The following UBAP2 variants were observed in gnomAD, a reference collection of about 807,000 sequenced individuals.
UBAP2 encodes ubiquitin associated protein 2, also known as ubiquitin-associated protein 2.
A neutral mutation model predicts 139.6 loss-of-function variants in UBAP2; 75 were observed. That is an observed-to-expected ratio of 0.54 (90% CI 0.45 to 0.65). The LOEUF (loss-of-function observed/expected upper bound fraction) is 0.65. Among genes scored for constraint, UBAP2 ranks in the 30% least tolerant of loss-of-function variants. The pLI is 0.00. For missense variants in UBAP2, 1,368 were observed against 1,369.6 expected (o/e 1.00, Z 0.02); for synonymous variants, 526 against 526.2 (o/e 1.00, Z 0.01).
At chr9:33,963,481 C>T (rs976384911) in intron 9 of UBAP2, among the ~76,000 whole-genome samples, 2 of 152,116 alleles carry the variant, frequency 1.3e-5, no homozygotes, top group African/African-American at 4.8e-5. Context: ...AGTCCTCTAA[C>T]GAATGTATGT....
intron 16 of UBAP2, chr9:33,938,892 A>T (rs757881460): frequency 2.2e-6 from 1 of 454,948 alleles, no homozygotes; most frequent in South Asian, 1.6e-5. Context: ...ACTCTAACTT[A>T]TTTCTGTCAA....
intron 4 of UBAP2, among the ~76,000 whole-genome samples, chr9:33,989,949 C>T (rs1821556980): frequency 6.6e-6 from 1 of 151,922 alleles, no homozygotes; most frequent in African/African-American, 2.4e-5. Context: ...ATTTATAAAG[C>T]ACCTAAATTT....
chr9:34,043,228 G>A (rs1827253362), intron 1 of UBAP2, among the ~76,000 whole-genome samples: 1 of 152,062 alleles, frequency 6.6e-6, no homozygotes, highest in African/African-American at 2.4e-5. Context: ...CTGAAGTGCA[G>A]TGGCACAATC....
At chr9:33,926,685 G>A (rs771516677) in intron 21 of UBAP2, 21 bp from the exon 22 acceptor site, 12 of 1,614,008 alleles carry the variant, frequency 7.4e-6, no homozygotes, top group East Asian at 4.5e-5. Flanking sequence ...ACCAGAAAGT[G>A]TATTTTAGGA....
Position 33,998,843 on chromosome 9 carries a change from G to A in UBAP2, c.121C>T (p.Leu41Phe). The change falls in exon 3 of 29, where the codon CTC becomes TTC. Residue 41 changes from leucine (L) to phenylalanine (F), a missense_variant. By Grantham distance (22) the Leu-to-Phe change is conservative. Coordinates refer to ENST00000379238, the MANE Select transcript of UBAP2 (RefSeq NM_001370062.2). ...TTCTTATCAAAGATCACTTGAGCGA[G>A]ACGCATCTGTTCAGCTGTTGCCTGG... ...VVQATAEQMR[L>F]AQVIFDKNDS... 4 of 1,611,520 alleles carry A rather than the reference G, an allele frequency of 2.5e-6. No individual in the cohort carries two copies. The highest frequency in any genetic ancestry group is 3.4e-6 in the Non-Finnish European group (4 of 1,179,666).
At chr9:33,943,719 A>C in intron 14 of UBAP2, 130 bp from the exon 15 acceptor site, 1 of 795,286 alleles carries the variant, frequency 1.3e-6, no homozygotes, top group Non-Finnish European at 2.0e-6. Flanking sequence ...AGAAACAAGG[A>C]GAAAATAGGC....
chr9:33,925,276 G>A (rs539785659), intron 22 of UBAP2, among the ~76,000 whole-genome samples: 11 of 152,268 alleles, frequency 7.2e-5, no homozygotes, highest in South Asian at 2.1e-4. Flanking sequence ...TAGAACCCCC[G>A]GAAGAGGCAG....
At chr9:33,932,541 G>T (rs1250827137) in intron 19 of UBAP2, 21 bp downstream of exon 19, 1 of 1,613,304 alleles carries the variant, frequency 6.2e-7, no homozygotes, top group South Asian at 1.1e-5. Flanking sequence ...CGGAGGAAGA[G>T]GAAGCCGCGC....
chr9:33,996,217 A>AGG lies in UBAP2; in HGVS notation c.288+5_288+6insCC. 1 of 1,596,298 alleles carries AGG rather than the reference A, an allele frequency of 6.3e-7. No homozygotes were observed. Among genetic ancestry groups the AGG allele is most frequent in the Non-Finnish European group, 8.6e-7 (1 of 1,164,982 alleles). ...TAAACAATGCAAATCAATTAATAAT[A>AGG]CTTACTGTGTCTGAATTCCCTTCCA... On this transcript the variant is annotated splice_donor_region_variant and intron_variant, in intron 4 of 28. Transcript: ENST00000379238.
At chr9:33,931,862 T>C (rs149316845) in intron 19 of UBAP2, among the ~76,000 whole-genome samples, 2 of 152,274 alleles carry the variant, frequency 1.3e-5, no homozygotes, top group East Asian at 3.9e-4. Flanking sequence ...ACACCTCCTG[T>C]TGTCCAGGAG....
chr9:34,031,044 A>G (rs1825844092), intron 1 of UBAP2, among the ~76,000 whole-genome samples: 1 of 152,166 alleles, frequency 6.6e-6, no homozygotes, highest in South Asian at 2.1e-4. Flanking sequence ...CAGGGTTTCA[A>G]GACTAGCCTG....
intron 2 of UBAP2, among the ~76,000 whole-genome samples, chr9:34,011,111 C>CCCA (rs1258430985): frequency 1.8e-4 from 27 of 152,222 alleles, no homozygotes; most frequent in African/African-American, 6.5e-4. Context: ...CAAACAAGCA[C>CCCA]TTGATGGGTG....
chr9:33,963,322 G>T (rs1290440927), intron 9 of UBAP2, among the ~76,000 whole-genome samples: 1 of 152,118 alleles, frequency 6.6e-6, no homozygotes, highest in Non-Finnish European at 1.5e-5. Context: ...AAAGGCTCAG[G>T]TCCTAATCAT....
At chr9:34,047,394 A>T (rs1040443055) in intron 1 of UBAP2, among the ~76,000 whole-genome samples, 1 of 152,200 alleles carries the variant, frequency 6.6e-6, no homozygotes, top group Admixed American at 6.6e-5. Flanking sequence ...GGAAACTATC[A>T]TCTCCAGGGA....
intron 10 of UBAP2, among the ~76,000 whole-genome samples, chr9:33,958,026 G>A (rs1460005170): frequency 6.6e-6 from 1 of 152,090 alleles, no homozygotes; most frequent in Non-Finnish European, 1.5e-5. Context: ...GATCACTGAG[G>A]CTCACTGCAG....
intron 8 of UBAP2, among the ~76,000 whole-genome samples, chr9:33,966,293 CAA>C (rs776047582): frequency 1.3e-4 from 15 of 116,178 alleles, no homozygotes; most frequent in Non-Finnish European, 1.5e-4. Flanking sequence ...ACTAAAACTA[CAA>C]AAAAAAAAAA....
chr9:34,004,406 C>T (rs1046688880), intron 2 of UBAP2, among the ~76,000 whole-genome samples: 2 of 152,014 alleles, frequency 1.3e-5, no homozygotes, highest in African/African-American at 4.8e-5. Context: ...ATCACCTTAG[C>T]CCGAGGAGGT....
chr9:34,040,918 G>A (rs1827014166), intron 1 of UBAP2, among the ~76,000 whole-genome samples: 1 of 152,148 alleles, frequency 6.6e-6, no homozygotes, highest in Non-Finnish European at 1.5e-5. Flanking sequence ...GCAACATGTG[G>A]AAAACACTTT....
intron 4 of UBAP2, among the ~76,000 whole-genome samples, chr9:33,990,823 G>A (rs985954622): frequency 4.6e-5 from 7 of 151,998 alleles, no homozygotes; most frequent in Admixed American, 3.9e-4. Flanking sequence ...TTTTAGTAGA[G>A]ACGGGGTTTC....
Sources: allele counts gnomAD v4.1 joint callset (sites outside exome capture counted in the v4.1 genomes callset), GRCh38; gene constraint gnomAD v4.1.1; transcripts MANE v1.5; gene names NCBI Gene and HGNC (gene_info 2026-07-23, HGNC 2026-07-21).